Variants in PTBP3 observed in about 807,000 individuals in gnomAD.
The protein encoded by PTBP3 is polypyrimidine tract binding protein 3.
PTBP3 carries 20 observed loss-of-function variants against 58.7 expected under a neutral mutation model. The observed-to-expected ratio is 0.34, with a 90% CI of 0.24 to 0.50. The LOEUF is 0.50. Ranked by LOEUF, PTBP3 falls within the 20% of genes least tolerant of loss-of-function variation. PTBP3 has a pLI of 0.98. For synonymous variants in PTBP3, 185 were observed against 219.8 expected, an observed-to-expected ratio of 0.84 and a Z score of 1.40; for missense variants, 509 against 637.2, an observed-to-expected ratio of 0.80 and a Z score of 2.17.
At chr9:112,235,844 G>A (rs1453428368) in intron 7 of PTBP3, among the ~76,000 whole-genome samples, 2 of 152,058 alleles carry the variant, frequency 1.3e-5, no homozygotes, top group African/African-American at 4.8e-5. Context: ...ATATCCTACA[G>A]AAAAGAGGAA....
the PTBP3 span, among the ~76,000 whole-genome samples, chr9:112,357,556 C>T: frequency 6.6e-6 from 1 of 152,020 alleles, no homozygotes; most frequent in African/African-American, 2.4e-5. Flanking sequence ...ATCATGTTGC[C>T]CAGGCCGGTC....
intron 1 of PTBP3, among the ~76,000 whole-genome samples, chr9:112,310,642 T>C (rs1316096625): frequency 6.6e-6 from 1 of 152,198 alleles, no homozygotes; most frequent in Non-Finnish European, 1.5e-5. Context: ...CAAAGAAACA[T>C]AATAATCAAA....
chr9:112,235,042 C>A, intron 7 of PTBP3, 145 bp from the exon 8 acceptor site: 2 of 636,652 alleles, frequency 3.1e-6, no homozygotes, highest in East Asian at 3.0e-5. Flanking sequence ...TGATCTTTAA[C>A]GTATAAAAAG....
At chr9:112,353,958 TA>T in the PTBP3 span, among the ~76,000 whole-genome samples, 71 of 152,130 alleles carry the variant, frequency 4.7e-4, no homozygotes, top group South Asian at 0.012. Flanking sequence ...ACTCTGTCAT[TA>T]AAAAAAAAAT....
chr9:112,240,175 C>A (rs1186646010), intron 7 of PTBP3, among the ~76,000 whole-genome samples: 1 of 152,100 alleles, frequency 6.6e-6, no homozygotes, highest in Non-Finnish European at 1.5e-5. Context: ...GGCATCCACT[C>A]CAAAAGAAAC....
chr9:112,309,143 T>C (rs529867817), intron 1 of PTBP3, among the ~76,000 whole-genome samples: 3 of 152,294 alleles, frequency 2.0e-5, no homozygotes, highest in Admixed American at 6.5e-5. Flanking sequence ...AGATACTACA[T>C]GACTATACAA....
intron 1 of PTBP3, among the ~76,000 whole-genome samples, chr9:112,300,819 G>A (rs565517686): frequency 2.0e-5 from 3 of 152,010 alleles, no homozygotes; most frequent in East Asian, 3.9e-4. Flanking sequence ...ACAAAAACCC[G>A]GGCACAGTGG....
rs1834876043 is a variant in PTBP3 at position 112,223,635 on chromosome 9, T to C, written c.*216A>G. On this transcript the variant is annotated 3_prime_UTR_variant, in exon 14 of 14. Coordinates refer to ENST00000374257, the MANE Select transcript of PTBP3 (RefSeq NM_001163788.4). ...TTCTTTTTCCTGAAGGTTATTTTTG[T>C]AGAAACCATGGTAAAAAGGGAAAAG... 2 of 1,265,430 alleles carry C rather than the reference T, an allele frequency of 1.6e-6. No individual in the cohort carries two copies. The highest frequency in any genetic ancestry group is 6.6e-5 in the East Asian group (2 of 30,114). 78.4% of individuals were successfully genotyped at this position (1,265,430 alleles called of 1,614,324 possible).
chr9:112,292,568 T>C (rs1195078855), intron 2 of PTBP3, among the ~76,000 whole-genome samples: 1 of 152,184 alleles, frequency 6.6e-6, no homozygotes, highest in Non-Finnish European at 1.5e-5. Context: ...AAATAAAATG[T>C]GGTATATACC....
chr9:112,349,505 C>G, the PTBP3 span, among the ~76,000 whole-genome samples: 1 of 152,224 alleles, frequency 6.6e-6, no homozygotes, highest in Admixed American at 6.5e-5. Flanking sequence ...GTGTCTCAAA[C>G]AGGGCTGTGT....
the PTBP3 span, among the ~76,000 whole-genome samples, chr9:112,341,526 T>C: frequency 6.6e-6 from 1 of 152,148 alleles, no homozygotes; most frequent in Admixed American, 6.6e-5. Flanking sequence ...TGTTTTTGTT[T>C]TTGTTTTGAA....
chr9:112,320,291 A>AAAAAAAATATATATATATATAT (rs1411646280), intron 1 of PTBP3, among the ~76,000 whole-genome samples: 10 of 73,524 alleles, frequency 1.4e-4, no homozygotes, highest in African/African-American at 8.1e-4. Flanking sequence ...AAAAAAAAAA[A>AAAAAAAATATATATATATATAT]ATATATATAT....
At chr9:112,240,831 G>A (rs911583063) in intron 7 of PTBP3, among the ~76,000 whole-genome samples, 1 of 151,976 alleles carries the variant, frequency 6.6e-6, no homozygotes, top group African/African-American at 2.4e-5. Flanking sequence ...TCCTGACCTT[G>A]TGTAGGCCTA....
At chr9:112,306,586 G>GTACATA (rs1554802878) in intron 1 of PTBP3, among the ~76,000 whole-genome samples, 1 of 114,524 alleles carries the variant, frequency 8.7e-6, no homozygotes, top group Non-Finnish European at 1.8e-5. Flanking sequence ...ATTTAAATTT[G>GTACATA]TATATATATA....
chr9:112,378,364 G>C, the PTBP3 span, among the ~76,000 whole-genome samples: 2 of 152,220 alleles, frequency 1.3e-5, no homozygotes, highest in African/African-American at 4.8e-5. Context: ...CGTTATGACT[G>C]AAAAATTGGC....
At chr9:112,309,898 TTTTG>T (rs1360604637) in intron 1 of PTBP3, among the ~76,000 whole-genome samples, 4 of 152,228 alleles carry the variant, frequency 2.6e-5, no homozygotes, top group Admixed American at 6.5e-5. Flanking sequence ...AAGGGTTTTG[TTTTG>T]TTTTAGACAT....
At chr9:112,288,512 C>T (rs2132268853) in intron 2 of PTBP3, among the ~76,000 whole-genome samples, 1 of 152,186 alleles carries the variant, frequency 6.6e-6, no homozygotes, top group South Asian at 2.1e-4. Flanking sequence ...CTGCTTGGTT[C>T]CCCCAACCCC....
chr9:112,250,282 A>C (rs889055335), intron 7 of PTBP3, among the ~76,000 whole-genome samples: 1 of 152,172 alleles, frequency 6.6e-6, no homozygotes, highest in Non-Finnish European at 1.5e-5. Flanking sequence ...CTGTGAAACC[A>C]AAAGTAGCAT....
At position 112,221,840 on chromosome 9, in the gene PTBP3, C is replaced by A. The variant is rs1386155834; in HGVS notation, c.*2011G>T. On this transcript the variant is annotated 3_prime_UTR_variant, in exon 14 of 14. Coordinates refer to ENST00000374257, the MANE Select transcript of PTBP3 (RefSeq NM_001163788.4). ...CAGTCTCTATTTTTTGGTAAAATTT[C>A]TTCTGTAAAAACCTCCCTATGTTCA... 2.0e-5 allele frequency: 20 copies of A among 984,746 alleles called. No homozygotes were observed. The highest frequency in any genetic ancestry group is 2.3e-5 in the Non-Finnish European group (19 of 829,472). 61.0% of individuals were successfully genotyped at this position (984,746 alleles called of 1,614,324 possible). A position where few individuals can be genotyped will look rare whatever the true frequency, so the allele number is the denominator to read the frequency against.
Sources: allele counts gnomAD v4.1 joint callset (sites outside exome capture counted in the v4.1 genomes callset), GRCh38; gene constraint gnomAD v4.1.1; transcripts MANE v1.5; gene names NCBI Gene and HGNC (gene_info 2026-07-23, HGNC 2026-07-21).